Variants in VPS13B observed in about 807,000 individuals in gnomAD.
The protein encoded by VPS13B is vacuolar protein sorting 13 homolog B, also known as intermembrane lipid transfer protein VPS13B.
VPS13B carries 285 observed loss-of-function variants against 426.4 expected under a neutral mutation model. That is an observed-to-expected ratio of 0.67 (90% CI 0.61 to 0.74). The LOEUF is 0.74. VPS13B is among the 30% of genes least tolerant of loss of function. The pLI is 0.00. For missense variants in VPS13B, 4,537 were observed against 4,782.6 expected (o/e 0.95, Z 1.51); for synonymous variants, 1,676 against 1,676.4 (o/e 1.00, Z 0.01).
chr8:99,058,273 A>T (rs995566453), intron 3 of VPS13B, among the ~76,000 whole-genome samples: 3 of 151,112 alleles, frequency 2.0e-5, no homozygotes, highest in Admixed American at 6.6e-5. Flanking sequence ...AGTCAGATTT[A>T]AAAAAAAATA....
intron 29 of VPS13B, among the ~76,000 whole-genome samples, chr8:99,514,341 A>G (rs1821947768): frequency 6.6e-6 from 1 of 152,204 alleles, no homozygotes; most frequent in Non-Finnish European, 1.5e-5. Flanking sequence ...TAAGTATATA[A>G]TTCAGTGGCA....
Position 99,115,695 on chromosome 8 carries a change from T to C in VPS13B, c.763-5T>C, listed in dbSNP as rs1847622951. 4 of 1,612,422 alleles carry C rather than the reference T, an allele frequency of 2.5e-6. No homozygotes were observed. Among genetic ancestry groups the C allele is most frequent in the African/African-American group, 1.3e-5 (1 of 75,000 alleles). Reference sequence around the variant, plus strand: ...TGTTGGTGTTATGTCTTTTTCAAAATGCAGATTCATACTTTAGTGGAAAGT... The same window carrying C: ...TGTTGGTGTTATGTCTTTTTCAAAACGCAGATTCATACTTTAGTGGAAAGT... On this transcript the variant is annotated splice_region_variant and splice_polypyrimidine_tract_variant and intron_variant, in intron 6 of 61. Transcript: ENST00000357162.
chr8:99,056,862 C>T (rs1330174612), intron 3 of VPS13B, among the ~76,000 whole-genome samples: 1 of 152,126 alleles, frequency 6.6e-6, no homozygotes, highest in African/African-American at 2.4e-5. Flanking sequence ...ACACAGTACG[C>T]TTCTCTAATT....
chr8:99,061,087 G>A (rs947533880), intron 3 of VPS13B, among the ~76,000 whole-genome samples: 4 of 152,080 alleles, frequency 2.6e-5, no homozygotes, highest in Non-Finnish European at 5.9e-5. Flanking sequence ...GAAGTTGATG[G>A]TGGTTGCAGG....
chr8:99,685,804 G>A (rs1241387994), intron 35 of VPS13B, among the ~76,000 whole-genome samples: 1 of 152,108 alleles, frequency 6.6e-6, no homozygotes, highest in African/African-American at 2.4e-5. Flanking sequence ...TGAATTCTCT[G>A]TCTGAAAGAA....
chr8:99,072,043 A>T (rs1844879792), intron 3 of VPS13B, among the ~76,000 whole-genome samples: 2 of 152,072 alleles, frequency 1.3e-5, no homozygotes, highest in African/African-American at 4.8e-5. Flanking sequence ...TGGGGACCCT[A>T]GCAGCCTTCT....
At chr8:99,574,973 G>T (rs1269312561) in intron 31 of VPS13B, among the ~76,000 whole-genome samples, 1 of 152,046 alleles carries the variant, frequency 6.6e-6, no homozygotes. Flanking sequence ...AGACCAGCCT[G>T]GGCAACGTGA....
At chr8:99,558,989 T>A (rs867154155) in intron 31 of VPS13B, among the ~76,000 whole-genome samples, 6 of 152,320 alleles carry the variant, frequency 3.9e-5, no homozygotes, top group Middle Eastern at 3.4e-3. Flanking sequence ...TGCCACACTG[T>A]CTTCCACAAT....
chr8:99,616,261 G>T (rs1396147165), intron 33 of VPS13B, among the ~76,000 whole-genome samples: 1 of 152,098 alleles, frequency 6.6e-6, no homozygotes, highest in Non-Finnish European at 1.5e-5. Context: ...AATATTTATT[G>T]TATGTTTACT....
chr8:99,869,912 A>T (rs1817303494), intron 59 of VPS13B, among the ~76,000 whole-genome samples: 1 of 152,252 alleles, frequency 6.6e-6, no homozygotes, highest in Non-Finnish European at 1.5e-5. Flanking sequence ...TTGGTGCTGG[A>T]GAGTCTATGT....
intron 30 of VPS13B, among the ~76,000 whole-genome samples, chr8:99,553,269 C>T (rs1824379217): frequency 6.6e-6 from 1 of 151,994 alleles, no homozygotes; most frequent in Non-Finnish European, 1.5e-5. Context: ...CAGGATGTGT[C>T]TGAAAAAATA....
At chr8:99,832,313 G>A in intron 51 of VPS13B, 56 bp from the exon 52 acceptor site, 17 of 1,439,324 alleles carry the variant, frequency 1.2e-5, no homozygotes, top group Non-Finnish European at 1.5e-5. Flanking sequence ...TAATTCTGCT[G>A]TATTACTGTA....
At chr8:99,475,801 C>T (rs1819659783) in intron 24 of VPS13B, among the ~76,000 whole-genome samples, 1 of 152,170 alleles carries the variant, frequency 6.6e-6, no homozygotes, top group African/African-American at 2.4e-5. Flanking sequence ...CCAGTGCCAC[C>T]TTTCTCCTGT....
intron 3 of VPS13B, among the ~76,000 whole-genome samples, chr8:99,043,793 T>C (rs1843077442): frequency 6.6e-6 from 1 of 152,136 alleles, no homozygotes; most frequent in Non-Finnish European, 1.5e-5. Context: ...AACTCTGTCA[T>C]CCTTATTTCT....
chr8:99,254,534 T>C (rs1817655811), intron 17 of VPS13B, among the ~76,000 whole-genome samples: 1 of 151,872 alleles, frequency 6.6e-6, no homozygotes, highest in African/African-American at 2.4e-5. Flanking sequence ...TGTTAGGGGC[T>C]AGCTCAGTTT....
At chr8:99,470,741 A>G (rs560029260) in intron 24 of VPS13B, among the ~76,000 whole-genome samples, 68 of 152,040 alleles carry the variant, frequency 4.5e-4, no homozygotes, top group African/African-American at 1.6e-3. Flanking sequence ...AAGAGGAAAT[A>G]ACTACAGAAA....
At position 99,306,452 on chromosome 8, in the gene VPS13B, T is replaced by C. The variant is rs527640099; in HGVS notation, c.2824+31198T>C. 1.1e-4 allele frequency among the ~76,000 whole-genome samples: 17 copies of C among 152,118 alleles called. No individual in the cohort carries two copies. The East Asian group carries it at 2.9e-3, about 26-fold the overall frequency. The stretch of plus-strand genomic sequence containing the variant: ...ATAGTGCATTCCCATTAGAAGTTGA[T>C]AGAATATATACGTAGTGGAACATCT... On this transcript the variant is annotated intron_variant, in intron 19 of 61. Transcript: ENST00000357162.
intron 21 of VPS13B, among the ~76,000 whole-genome samples, chr8:99,401,430 G>T (rs1244006620): frequency 6.6e-6 from 1 of 152,160 alleles, no homozygotes; most frequent in Non-Finnish European, 1.5e-5. Context: ...ACAATTAACT[G>T]AAAACAAATG....
intron 21 of VPS13B, among the ~76,000 whole-genome samples, chr8:99,428,768 A>G (rs921854597): frequency 1.3e-5 from 2 of 152,208 alleles, no homozygotes; most frequent in African/African-American, 4.8e-5. Context: ...TGACCCAGCC[A>G]TCCATTACTT....
Sources: allele counts gnomAD v4.1 joint callset (sites outside exome capture counted in the v4.1 genomes callset), GRCh38; gene constraint gnomAD v4.1.1; transcripts MANE v1.5; gene names NCBI Gene and HGNC (gene_info 2026-07-23, HGNC 2026-07-21).